Variants in GNA14 observed in about 807,000 individuals in gnomAD.
The protein encoded by GNA14 is guanine nucleotide-binding protein subunit alpha-14.
Under a neutral mutation model 42.0 loss-of-function variants are expected in GNA14, and 50 were observed. The observed-to-expected ratio is 1.19, with a 90% CI of 0.95 to 1.51. The LOEUF (loss-of-function observed/expected upper bound fraction) is 1.51, where lower values mean the gene tolerates loss of function less well. Ranked by LOEUF, GNA14 falls within the 40% of genes most tolerant of loss-of-function variation. The probability of loss-of-function intolerance (pLI) is 0.00; values close to 1 mark genes in which losing one functional copy is unlikely to be tolerated. For synonymous variants in GNA14, 173 were observed against 163.1 expected, an observed-to-expected ratio of 1.06 and a Z score of -0.46; for missense variants, 473 against 446.2, an observed-to-expected ratio of 1.06 and a Z score of -0.54.
chr9:77,565,317 A>G (rs1306490639), intron 1 of GNA14, among the ~76,000 whole-genome samples: 1 of 152,178 alleles, frequency 6.6e-6, no homozygotes, highest in African/African-American at 2.4e-5. Context: ...GATTTTGAAA[A>G]CTTAATACTA....
intron 2 of GNA14, among the ~76,000 whole-genome samples, chr9:77,452,805 G>A (rs1040980498): frequency 1.3e-5 from 2 of 151,566 alleles, no homozygotes; most frequent in Non-Finnish European, 2.9e-5. Flanking sequence ...GGTCATGAAG[G>A]TGGAGTCCTC....
chr9:77,460,414 C>T (rs1190686522), intron 2 of GNA14, among the ~76,000 whole-genome samples: 1 of 152,204 alleles, frequency 6.6e-6, no homozygotes, highest in African/African-American at 2.4e-5. Flanking sequence ...GGGGAACCAG[C>T]CCTGCCGACA....
chr9:77,553,044 C>A (rs1837804860), intron 1 of GNA14, among the ~76,000 whole-genome samples: 1 of 152,168 alleles, frequency 6.6e-6, no homozygotes, highest in Non-Finnish European at 1.5e-5. Flanking sequence ...GCTGGAAAAA[C>A]ACATCCCAGG....
chr9:77,618,596 ATATATATATATATATATATATATATTT>A (rs1823861302), intron 1 of GNA14, among the ~76,000 whole-genome samples: 1 of 14,396 alleles, frequency 6.9e-5, no homozygotes, highest in African/African-American at 2.1e-4. Context: ...ATATATATAT[ATATATATATATATATATATATATATTT>A]TTTTTTTTTT....
At chr9:77,582,266 G>A (rs1823237242) in intron 1 of GNA14, among the ~76,000 whole-genome samples, 1 of 152,192 alleles carries the variant, frequency 6.6e-6, no homozygotes, top group African/African-American at 2.4e-5. Flanking sequence ...CTGCTACTCA[G>A]TTATAAGTTC....
rs370479612 is a variant in GNA14, at chr9:77,578,540, T to C, written c.125-49287A>G. 1.1e-4 allele frequency among the ~76,000 whole-genome samples: 17 copies of C among 152,336 alleles called. No homozygotes were observed. In the South Asian group the frequency reaches 3.1e-3, roughly 28 times the overall value. The stretch of plus-strand genomic sequence containing the variant: ...ATCAATCTGGAACTAGAAAAGGACA[T>C]GTTTAGTCACAGGTTGCTACAACCT... On this transcript the variant is annotated intron_variant, in intron 1 of 6. Coordinates refer to ENST00000341700, the MANE Select transcript of GNA14 (RefSeq NM_004297.4).
intron 4 of GNA14, among the ~76,000 whole-genome samples, chr9:77,430,454 G>A (rs1056620370): frequency 7.9e-5 from 12 of 152,202 alleles, no homozygotes; most frequent in Non-Finnish European, 1.3e-4. Flanking sequence ...TTGTGAAAAG[G>A]TTTAGAGAAA....
chr9:77,639,349 T>C (rs11793634), intron 1 of GNA14, among the ~76,000 whole-genome samples: 4,179 of 152,322 alleles, frequency 0.027, 95 homozygotes, highest in Admixed American at 0.057. Context: ...ATCCTCATAA[T>C]AGTACGTGCC....
chr9:77,642,235 T>C (rs1824279116), intron 1 of GNA14, among the ~76,000 whole-genome samples: 1 of 152,124 alleles, frequency 6.6e-6, no homozygotes, highest in South Asian at 2.1e-4. Flanking sequence ...TCTGTATTCA[T>C]TTAAGGGTAG....
At chr9:77,454,517 T>TG (rs1835966236) in intron 2 of GNA14, among the ~76,000 whole-genome samples, 1 of 151,414 alleles carries the variant, frequency 6.6e-6, no homozygotes, top group Non-Finnish European at 1.5e-5. Context: ...CTGATAATAG[T>TG]GGGGACGGGG....
At chr9:77,634,741 A>C (rs144591931) in intron 1 of GNA14, among the ~76,000 whole-genome samples, 157 of 152,312 alleles carry the variant, frequency 1.0e-3, no homozygotes, top group African/African-American at 3.6e-3. Context: ...AAAGACTTTC[A>C]GCTACTGTAA....
intron 1 of GNA14, among the ~76,000 whole-genome samples, chr9:77,614,564 T>G (rs1823780758): frequency 6.6e-6 from 1 of 152,222 alleles, no homozygotes; most frequent in Non-Finnish European, 1.5e-5. Context: ...AACAAGGAGA[T>G]GGATTCTTCG....
intron 1 of GNA14, among the ~76,000 whole-genome samples, chr9:77,643,540 G>A (rs1444664734): frequency 6.6e-6 from 1 of 152,140 alleles, no homozygotes. Context: ...CACCCAATCG[G>A]TGTTGTCACT....
At chr9:77,532,924 G>T (rs1358958636) in intron 1 of GNA14, among the ~76,000 whole-genome samples, 1 of 152,026 alleles carries the variant, frequency 6.6e-6, no homozygotes, top group Non-Finnish European at 1.5e-5. Flanking sequence ...GGTGAATTTT[G>T]GTGTCTGGTT....
intron 1 of GNA14, among the ~76,000 whole-genome samples, chr9:77,531,456 G>C (rs1837527615): frequency 6.6e-6 from 1 of 152,168 alleles, no homozygotes; most frequent in African/African-American, 2.4e-5. Flanking sequence ...AAAGTCCCAA[G>C]TCAGATTAGC....
At chr9:77,558,037 G>C (rs753420584) in intron 1 of GNA14, among the ~76,000 whole-genome samples, 3 of 152,086 alleles carry the variant, frequency 2.0e-5, no homozygotes, top group South Asian at 2.1e-4. Context: ...TCTGAAATCT[G>C]TCTCAGTCTC....
At chr9:77,474,602 A>G (rs1020269055) in intron 2 of GNA14, among the ~76,000 whole-genome samples, 4 of 152,238 alleles carry the variant, frequency 2.6e-5, no homozygotes, top group African/African-American at 9.6e-5. Context: ...TTCCTCACCT[A>G]GTTAAGCATA....
chr9:77,489,505 G>A (rs1273375387), intron 2 of GNA14, among the ~76,000 whole-genome samples: 1 of 152,216 alleles, frequency 6.6e-6, no homozygotes, highest in Non-Finnish European at 1.5e-5. Flanking sequence ...GGACAAGTGT[G>A]TCCGGAATTG....
chr9:77,616,709 A>G (rs1374574148), intron 1 of GNA14, among the ~76,000 whole-genome samples: 1 of 152,148 alleles, frequency 6.6e-6, no homozygotes, highest in Non-Finnish European at 1.5e-5. Context: ...TTCTGTCACT[A>G]ACATCACTAT....
Sources: gnomAD v4.1 joint callset for allele counts (sites outside exome capture counted in the v4.1 genomes callset) on GRCh38, gnomAD v4.1.1 for gene constraint, MANE v1.5 for transcripts, NCBI Gene and HGNC (gene_info 2026-07-23, HGNC 2026-07-21) for gene names.